Variants in TRPM1 observed in about 807,000 individuals in gnomAD.
TRPM1 encodes transient receptor potential cation channel subfamily M member 1, also known as TRPM1-203 APA Isoform, Intron 10.
In TRPM1, 113 loss-of-function variants were observed where a neutral mutation model predicts 149.4. The observed-to-expected ratio is 0.76, with a 90% CI of 0.65 to 0.88. The LOEUF is 0.88. Among genes scored for constraint, TRPM1 ranks in the 40% least tolerant of loss-of-function variants. TRPM1 has a pLI of 0.00. For synonymous variants in TRPM1, 741 were observed against 759.5 expected, an observed-to-expected ratio of 0.98 and a Z score of 0.40; for missense variants, 1,976 against 2,038.7, an observed-to-expected ratio of 0.97 and a Z score of 0.59.
chr15:31,085,182 C>T (rs1260070823), intron 1 of TRPM1, among the ~76,000 whole-genome samples: 2 of 152,054 alleles, frequency 1.3e-5, no homozygotes, highest in Admixed American at 6.6e-5. Flanking sequence ...GAGAATGTGC[C>T]CAGGGTCACC....
At chr15:31,123,260 GA>G (rs1237910716) in intron 1 of TRPM1, among the ~76,000 whole-genome samples, 1 of 152,130 alleles carries the variant, frequency 6.6e-6, no homozygotes, top group Non-Finnish European at 1.5e-5. Context: ...GAAAATCCAG[GA>G]GACCTAGAGT....
chr15:31,102,988 C>T (rs558722886), upstream of TRPM1, among the ~76,000 whole-genome samples: 97 of 152,234 alleles, frequency 6.4e-4, no homozygotes, highest in African/African-American at 2.2e-3. Context: ...GCTACGTGGC[C>T]GGAATTCTGA....
chr15:31,036,275 G>T (rs576281531), intron 20 of TRPM1, among the ~76,000 whole-genome samples: 110 of 152,256 alleles, frequency 7.2e-4, no homozygotes, highest in African/African-American at 2.5e-3. Context: ...GAGTTAAGGG[G>T]TTGGGGGAGG....
intron 1 of TRPM1, among the ~76,000 whole-genome samples, chr15:31,149,111 T>C (rs1433728939): frequency 1.3e-5 from 2 of 152,158 alleles, no homozygotes; most frequent in Non-Finnish European, 2.9e-5. Flanking sequence ...AGTAGCCTAA[T>C]AGCCAATGTC....
intron 27 of TRPM1, among the ~76,000 whole-genome samples, chr15:31,021,250 AG>A (rs1481850514): frequency 6.6e-6 from 1 of 152,172 alleles, no homozygotes; most frequent in African/African-American, 2.4e-5. Context: ...CTCCTTCCTA[AG>A]ACTGATCTCT....
Position 31,026,125 on chromosome 15 carries a change from G to T in TRPM1, c.3629+14C>A. 1.2e-6 allele frequency: 2 copies of T among 1,609,912 alleles called. No individual in the cohort carries two copies. The highest frequency in any genetic ancestry group is 1.7e-6 in the Non-Finnish European group (2 of 1,179,998). The stretch of plus-strand genomic sequence containing the variant: ...CCTTGGCTCACGGGCCCGCGGTGGG[G>T]ACGCTACACGTACCTTTCAGAAGTG... On this transcript the variant is annotated intron_variant, in intron 27 of 27. Coordinates refer to ENST00000256552, the MANE Select transcript of TRPM1 (RefSeq NM_001252024.2).
intron 1 of TRPM1, among the ~76,000 whole-genome samples, chr15:31,157,555 G>A (rs1417413204): frequency 6.6e-6 from 1 of 152,130 alleles, no homozygotes; most frequent in Non-Finnish European, 1.5e-5. Flanking sequence ...TGTAGACAGG[G>A]ATAAAAGTGC....
chr15:31,025,880 AG>A (rs1170024427), intron 27 of TRPM1, among the ~76,000 whole-genome samples: 1 of 152,236 alleles, frequency 6.6e-6, no homozygotes, highest in African/African-American at 2.4e-5. Flanking sequence ...ACTTTGGGGT[AG>A]GGGGTGAAGG....
chr15:31,156,422 T>G (rs541828626), intron 1 of TRPM1, among the ~76,000 whole-genome samples: 120 of 152,076 alleles, frequency 7.9e-4, no homozygotes, highest in Non-Finnish European at 1.3e-4. Context: ...ACATTTGCCA[T>G]CTATTGTCTC....
intron 1 of TRPM1, among the ~76,000 whole-genome samples, chr15:31,087,753 A>G (rs1045557158): frequency 2.0e-5 from 3 of 152,208 alleles, no homozygotes; most frequent in African/African-American, 7.2e-5. Flanking sequence ...GATAAGTGAA[A>G]TAAGTCAGTC....
At chr15:31,053,100 G>C (rs913094377) in intron 11 of TRPM1, among the ~76,000 whole-genome samples, 15 of 152,104 alleles carry the variant, frequency 9.9e-5, no homozygotes, top group African/African-American at 2.7e-4. Context: ...TCAAAAATAG[G>C]CAAGAGACTT....
chr15:31,119,337 A>C (rs1161001653), intron 1 of TRPM1, among the ~76,000 whole-genome samples: 1 of 152,184 alleles, frequency 6.6e-6, no homozygotes, highest in African/African-American at 2.4e-5. Flanking sequence ...CCATTAAGGC[A>C]AGAAGAAAAT....
At chr15:31,031,988 G>C (rs1035667153) in intron 22 of TRPM1, among the ~76,000 whole-genome samples, 1 of 149,748 alleles carries the variant, frequency 6.7e-6, no homozygotes, top group Non-Finnish European at 1.5e-5. Flanking sequence ...CATGTTAGGA[G>C]GTTATAAATC....
At chr15:31,086,311 G>A (rs762291774) in intron 1 of TRPM1, among the ~76,000 whole-genome samples, 2 of 152,326 alleles carry the variant, frequency 1.3e-5, no homozygotes, top group East Asian at 1.9e-4. Flanking sequence ...GAGCTCCTGC[G>A]AGGCATCAGA....
chr15:31,157,961 G>A lies in TRPM1; in HGVS notation c.54+2945C>T, dbSNP rs567806011. Among the ~76,000 whole-genome samples the A allele has an allele frequency of 1.1e-4, 16 of 152,184 alleles. 1 individual carries two copies. Among genetic ancestry groups the A allele is most frequent in the African/African-American group, 3.6e-4 (15 of 41,530 alleles). On this transcript the variant is annotated intron_variant, in intron 1 of 26. Transcript: ENST00000542188. ...GCTTTCGATTAGGAAACCGGGAACC[G>A]ACACTGAGCTGCTGCGTCAATGAAG... is the stretch of plus-strand genomic sequence containing the variant.
At chr15:31,011,332 T>G (rs1213165381) in intron 27 of TRPM1, among the ~76,000 whole-genome samples, 1 of 152,188 alleles carries the variant, frequency 6.6e-6, no homozygotes, top group African/African-American at 2.4e-5. Flanking sequence ...CTATATGTTA[T>G]GTCTTTTTTT....
rs2033733345 is a variant in TRPM1, at chr15:31,045,336, T to C, written c.1794+868A>G. ...AAATATTTTTAGGTCTGGGACATTG[T>C]TCTTACGGTTGCTAGTAAAGGTAAT... On this transcript the variant is annotated intron_variant, in intron 16 of 27. Coordinates refer to ENST00000256552, the MANE Select transcript of TRPM1 (RefSeq NM_001252024.2). Among the ~76,000 whole-genome samples the C allele has an allele frequency of 2.0e-5, 3 of 152,262 alleles. No homozygotes were observed. The South Asian group carries it at 6.2e-4, about 32-fold the overall frequency.
intron 11 of TRPM1, chr15:31,060,231 T>G: frequency 2.3e-6 from 1 of 434,320 alleles, no homozygotes; most frequent in Non-Finnish European, 4.3e-6. Context: ...ATGGAAGCAT[T>G]GCATTAAATT....
chr15:31,029,228 T>C, intron 24 of TRPM1, 143 bp downstream of exon 24: 11 of 828,926 alleles, frequency 1.3e-5, no homozygotes, highest in Non-Finnish European at 1.9e-5. Flanking sequence ...TCTTTACTTT[T>C]TACTGACAGC....
Sources: gnomAD v4.1 joint callset for allele counts (sites outside exome capture counted in the v4.1 genomes callset) on GRCh38, gnomAD v4.1.1 for gene constraint, MANE v1.5 for transcripts, NCBI Gene and HGNC (gene_info 2026-07-23, HGNC 2026-07-21) for gene names.